Variants in TENM3 observed in about 807,000 individuals in gnomAD.
The protein encoded by TENM3 is teneurin-3.
Under a neutral mutation model 255.1 loss-of-function variants are expected in TENM3, and 63 were observed. The ratio of observed to expected loss-of-function variants is 0.25; its 90% CI spans 0.20 to 0.30. TENM3 has a LOEUF of 0.30. TENM3 is among the 10% of genes least tolerant of loss of function. The pLI, the probability that TENM3 is intolerant of heterozygous loss-of-function variation, is 1.00. For synonymous variants in TENM3, 1,306 were observed against 1,322.3 expected (o/e 0.99, Z 0.27); for missense variants, 2,929 against 3,461.1 (o/e 0.85, Z 3.86).
the TENM3 span, among the ~76,000 whole-genome samples, chr4:181,757,142 G>T: frequency 1.3e-5 from 2 of 152,096 alleles, no homozygotes; most frequent in African/African-American, 4.8e-5. Context: ...ACAGTTTCTT[G>T]AAAAGTTGAA....
intron 2 of TENM3, among the ~76,000 whole-genome samples, chr4:182,346,347 A>T (rs1045843963): frequency 1.3e-5 from 2 of 152,068 alleles, no homozygotes; most frequent in East Asian, 3.9e-4. Flanking sequence ...TCATTGCACT[A>T]ATCCTTTCTC....
At chr4:181,762,030 A>C in the TENM3 span, among the ~76,000 whole-genome samples, 285 of 152,284 alleles carry the variant, frequency 1.9e-3, no homozygotes, top group Non-Finnish European at 2.2e-3. Context: ...ATACGTGCTC[A>C]CAAGCAATTC....
At chr4:181,476,978 C>G in the TENM3 span, among the ~76,000 whole-genome samples, 1 of 152,132 alleles carries the variant, frequency 6.6e-6, no homozygotes, top group African/African-American at 2.4e-5. Flanking sequence ...TACAGAGGTT[C>G]CAGCATTATT....
the TENM3 span, among the ~76,000 whole-genome samples, chr4:181,550,670 T>C: frequency 6.6e-6 from 1 of 152,200 alleles, no homozygotes; most frequent in East Asian, 1.9e-4. Context: ...AGAATGGATA[T>C]TGAAAGATAG....
At chr4:181,653,610 A>T in the TENM3 span, among the ~76,000 whole-genome samples, 2 of 151,594 alleles carry the variant, frequency 1.3e-5, no homozygotes, top group African/African-American at 2.4e-5. Flanking sequence ...CGTGTTGGCC[A>T]GGATGCTCTT....
intron 3 of TENM3, among the ~76,000 whole-genome samples, chr4:182,491,150 G>A (rs1297489290): frequency 1.3e-5 from 2 of 151,992 alleles, no homozygotes. Context: ...AATACAGTGT[G>A]GTCAGTACTT....
intron 22 of TENM3, among the ~76,000 whole-genome samples, chr4:182,760,097 G>A (rs966037453): frequency 1.3e-5 from 2 of 152,070 alleles, no homozygotes; most frequent in Non-Finnish European, 2.9e-5. Flanking sequence ...CCATTGACTT[G>A]CTGGGCTGTA....
At chr4:181,474,153 C>T in the TENM3 span, among the ~76,000 whole-genome samples, 2 of 151,740 alleles carry the variant, frequency 1.3e-5, no homozygotes, top group Admixed American at 6.6e-5. Context: ...ACACACACAC[C>T]AGGGCCTGTA....
chr4:182,623,171 C>T (rs948144993), intron 4 of TENM3, among the ~76,000 whole-genome samples: 3 of 151,250 alleles, frequency 2.0e-5, no homozygotes, highest in Non-Finnish European at 3.0e-5. Flanking sequence ...CCACCACGCC[C>T]GGCTAAATTT....
chr4:182,104,010 A>G, the TENM3 span, among the ~76,000 whole-genome samples: 7 of 152,342 alleles, frequency 4.6e-5, no homozygotes, highest in Admixed American at 3.9e-4. Context: ...AGGATGAGAA[A>G]GTGTCATTGC....
chr4:181,582,284 A>G, the TENM3 span, among the ~76,000 whole-genome samples: 1 of 152,038 alleles, frequency 6.6e-6, no homozygotes, highest in African/African-American at 2.4e-5. Context: ...GAAAAAGAAA[A>G]AGGAGCAGGG....
chr4:182,373,650 G>T (rs182154420), intron 3 of TENM3, among the ~76,000 whole-genome samples: 1 of 152,050 alleles, frequency 6.6e-6, no homozygotes, highest in African/African-American at 2.4e-5. Flanking sequence ...CCTCCCACAC[G>T]GCTCCACCTC....
chr4:182,778,570 C>T (rs1050816415), intron 24 of TENM3, among the ~76,000 whole-genome samples: 1 of 152,144 alleles, frequency 6.6e-6, no homozygotes, highest in Admixed American at 6.5e-5. Flanking sequence ...CCTTACTTCC[C>T]CCCATGACAT....
chr4:182,772,269 C>T (rs1461161118), intron 22 of TENM3, among the ~76,000 whole-genome samples: 1 of 152,208 alleles, frequency 6.6e-6, no homozygotes, highest in East Asian at 1.9e-4. Context: ...CCAAATATCA[C>T]TCAAGTACCT....
At chr4:182,568,149 C>G (rs541898905) in intron 3 of TENM3, among the ~76,000 whole-genome samples, 1 of 152,316 alleles carries the variant, frequency 6.6e-6, no homozygotes, top group African/African-American at 2.4e-5. Flanking sequence ...TCCAACCTAC[C>G]TTCAAGCTGT....
chr4:181,598,744 G>T, the TENM3 span, among the ~76,000 whole-genome samples: 44 of 151,370 alleles, frequency 2.9e-4, no homozygotes, highest in Admixed American at 2.2e-3. Flanking sequence ...TAATAATACA[G>T]CTATGAAATT....
intron 3 of TENM3, among the ~76,000 whole-genome samples, chr4:182,515,944 T>G (rs561175956): frequency 3.8e-4 from 58 of 152,360 alleles, no homozygotes; most frequent in African/African-American, 1.3e-3. Flanking sequence ...ATTTTCACCC[T>G]ACATTAATCT....
the TENM3 span, among the ~76,000 whole-genome samples, chr4:181,972,532 C>G: frequency 0.01 from 1,587 of 151,996 alleles, 27 homozygotes; most frequent in African/African-American, 0.036. Context: ...GTTTGTGTTC[C>G]CCAGAAAGAT....
chr4:181,490,972 T>C, the TENM3 span, among the ~76,000 whole-genome samples: 1 of 152,182 alleles, frequency 6.6e-6, no homozygotes, highest in East Asian at 1.9e-4. Flanking sequence ...TTTTGTATTT[T>C]AAAAAATGTG....
Sources: allele counts gnomAD v4.1 joint callset (sites outside exome capture counted in the v4.1 genomes callset), GRCh38; gene constraint gnomAD v4.1.1; transcripts MANE v1.5; gene names NCBI Gene and HGNC (gene_info 2026-07-23, HGNC 2026-07-21).